The following KCNH1 variants were observed in gnomAD, a reference collection of about 807,000 sequenced individuals.
KCNH1 encodes the protein voltage-gated delayed rectifier potassium channel KCNH1.
A neutral mutation model predicts 69.2 loss-of-function variants in KCNH1; 27 were observed. The observed-to-expected ratio is 0.39, with a 90% CI of 0.29 to 0.54. KCNH1 has a LOEUF of 0.54. Ranked by LOEUF, KCNH1 falls within the 20% of genes least tolerant of loss-of-function variation. KCNH1 has a pLI of 0.68. For synonymous variants in KCNH1, 456 were observed against 487.7 expected, an observed-to-expected ratio of 0.93 and a Z score of 0.86; for missense variants, 798 against 1,261.6, an observed-to-expected ratio of 0.63 and a Z score of 5.57.
intron 1 of KCNH1, chr1:211,108,404 G>GTA (rs1341167800): frequency 4.6e-4 from 70 of 151,800 alleles, no homozygotes; most frequent in African/African-American, 1.5e-3. Context: ...GTGTGTGTGT[G>GTA]TGTGTGTATA....
intron 10 of KCNH1, among the ~76,000 whole-genome samples, chr1:210,728,350 A>G (rs146218287): frequency 1.9e-3 from 289 of 152,300 alleles, no homozygotes; most frequent in Middle Eastern, 0.01. Flanking sequence ...TTCTTAATGA[A>G]TGGTGAATAG....
intron 10 of KCNH1, among the ~76,000 whole-genome samples, chr1:210,721,818 A>C (rs1355942589): frequency 6.6e-6 from 1 of 152,000 alleles, no homozygotes; most frequent in Non-Finnish European, 1.5e-5. Flanking sequence ...TAAATAAATA[A>C]ATAAATAAAT....
intron 1 of KCNH1, among the ~76,000 whole-genome samples, chr1:211,119,457 G>A (rs1424148303): frequency 6.6e-6 from 1 of 151,994 alleles, no homozygotes; most frequent in Non-Finnish European, 1.5e-5. Flanking sequence ...TAAATGATGA[G>A]AATAAGTGCT....
At chr1:210,889,460 C>T (rs927300190) in intron 7 of KCNH1, among the ~76,000 whole-genome samples, 5 of 152,308 alleles carry the variant, frequency 3.3e-5, no homozygotes, top group East Asian at 3.9e-4. Flanking sequence ...ACTGAATGGG[C>T]AGAAGCCAGA....
intron 10 of KCNH1, among the ~76,000 whole-genome samples, chr1:210,762,524 GAA>G (rs1683543256): frequency 6.6e-6 from 1 of 152,020 alleles, no homozygotes; most frequent in Admixed American, 6.6e-5. Context: ...AGCACAACCA[GAA>G]ATGACAAAGA....
chr1:210,712,464 G>A (rs913544277), intron 10 of KCNH1, among the ~76,000 whole-genome samples: 4 of 152,154 alleles, frequency 2.6e-5, no homozygotes, highest in African/African-American at 9.7e-5. Flanking sequence ...ACAGCAGAAC[G>A]AAGAGGCTGG....
chr1:210,956,359 TTC>T (rs1433413431), intron 6 of KCNH1, among the ~76,000 whole-genome samples: 1 of 152,176 alleles, frequency 6.6e-6, no homozygotes, highest in Non-Finnish European at 1.5e-5. Context: ...TGGTCTAAAA[TTC>T]TCTTTTTTTG....
rs374936353 is a variant in KCNH1, at chr1:210,797,593, A to G, written c.1830T>C (p.His610=). Residue 610 remains histidine (H), a synonymous_variant, in exon 9 of 11, where the codon CAT becomes CAC. Transcript: ENST00000271751. The part of the protein sequence containing the change: ...VHCAPGDLIY[H]AGESVDSLCF... ...AGAGGCTGTCAACGCTCTCTCCTGC[A>G]TGGTAGATGAGGTCCCCTGGGGCAC... The G allele has an allele frequency of 8.1e-6, 13 of 1,614,228 alleles. 1 individual carries two copies. Among genetic ancestry groups the G allele is most frequent in the Non-Finnish European group, 1.1e-5 (13 of 1,180,040 alleles).
rs143883112 is a variant in KCNH1 at position 210,683,750 on chromosome 1, C to T, written c.2501G>A (p.Arg834His). The change falls in exon 11 of 11, where the codon CGC becomes CAC. Residue 834 changes from arginine to histidine, a missense_variant. Physicochemically the swap from Arg to His is conservative, Grantham distance 29. This residue lies in a region of KCNH1 where 331 missense variants were observed against 363.2 expected (regional missense o/e 0.91). Coordinates refer to ENST00000271751, the MANE Select transcript of KCNH1 (RefSeq NM_172362.3). This position sits in a 1 kb window ranked among gnomAD's most constrained non-coding sequence, Gnocchi z 5.7. ...ATCTTTGAAGCGGGCCCAGCTTTTGCGCTTGGCACAATCGCCCCCGCCCCC... is the reference window on the plus strand; with the variant it reads ...ATCTTTGAAGCGGGCCCAGCTTTTGTGCTTGGCACAATCGCCCCCGCCCCC... ...PKGGGGDCAK[R>H]KSWARFKDAC... 248 of 1,614,056 alleles carry T rather than the reference C, an allele frequency of 1.5e-4. No homozygotes were observed. The highest frequency in any genetic ancestry group is 1.9e-4 in the Non-Finnish European group (228 of 1,180,046).
chr1:211,045,161 C>G (rs1008486665), intron 5 of KCNH1, among the ~76,000 whole-genome samples: 4 of 148,996 alleles, frequency 2.7e-5, no homozygotes, highest in African/African-American at 9.9e-5. Flanking sequence ...TAGAGTAACT[C>G]AGGAATGGAA....
intron 6 of KCNH1, among the ~76,000 whole-genome samples, chr1:210,959,909 T>C (rs758053420): frequency 7.2e-5 from 11 of 152,202 alleles, no homozygotes; most frequent in Non-Finnish European, 1.3e-4. Flanking sequence ...CTCCATGGGC[T>C]ATACCCACTG....
intron 6 of KCNH1, among the ~76,000 whole-genome samples, chr1:210,968,326 A>G (rs1688447909): frequency 7.3e-6 from 1 of 136,616 alleles, no homozygotes; most frequent in Non-Finnish European, 1.5e-5. Context: ...CGCAATAAAC[A>G]TACGTGTGCA....
At chr1:210,988,267 C>G (rs928640962) in intron 6 of KCNH1, among the ~76,000 whole-genome samples, 1 of 152,112 alleles carries the variant, frequency 6.6e-6, no homozygotes, top group Non-Finnish European at 1.5e-5. Context: ...TCAGATCACA[C>G]ATGGTGTGCT....
rs1219713468 is a variant in KCNH1, at chr1:210,680,635, G to A, written c.*2646C>T. 7.2e-5 allele frequency: 11 copies of A among 152,156 alleles called. No individual in the cohort carries two copies. The highest frequency in any genetic ancestry group is 4.4e-5 in the Non-Finnish European group (3 of 68,036). The allele number at this position is 152,156 out of a possible 1,614,324, so 9.4% of individuals were successfully genotyped here. On this transcript the variant is annotated 3_prime_UTR_variant, in exon 11 of 11. Coordinates refer to ENST00000271751, the MANE Select transcript of KCNH1 (RefSeq NM_172362.3). Reference sequence around the variant, plus strand: ...CAGCCTGCGGTCAAGTTCATGGTGCGAAAAGGAAGGGAGAAAGGTTTGGCT... The same window carrying A: ...CAGCCTGCGGTCAAGTTCATGGTGCAAAAAGGAAGGGAGAAAGGTTTGGCT...
At chr1:210,831,496 T>G (rs1358500335) in intron 7 of KCNH1, among the ~76,000 whole-genome samples, 1 of 152,170 alleles carries the variant, frequency 6.6e-6, no homozygotes, top group Non-Finnish European at 1.5e-5. Flanking sequence ...AGCTACTTCC[T>G]ATCACCAAAC....
intron 6 of KCNH1, among the ~76,000 whole-genome samples, chr1:210,945,826 G>A (rs1038246203): frequency 5.3e-5 from 8 of 152,184 alleles, no homozygotes; most frequent in African/African-American, 1.9e-4. Context: ...TTGCTCAAAT[G>A]TTAACTTCTC....
intron 10 of KCNH1, among the ~76,000 whole-genome samples, chr1:210,697,173 G>C (rs1310575207): frequency 6.6e-6 from 1 of 152,222 alleles, no homozygotes; most frequent in Non-Finnish European, 1.5e-5. Context: ...GAGCTTAAAG[G>C]GCCCTGGGAA....
At chr1:211,020,573 C>G (rs530191448) in intron 5 of KCNH1, among the ~76,000 whole-genome samples, 1 of 152,134 alleles carries the variant, frequency 6.6e-6, no homozygotes, top group Non-Finnish European at 1.5e-5. Flanking sequence ...TAAAGAAGAA[C>G]TAGTACCAGT....
intron 6 of KCNH1, among the ~76,000 whole-genome samples, chr1:210,955,648 T>C (rs1399206090): frequency 6.6e-6 from 1 of 152,168 alleles, no homozygotes; most frequent in Non-Finnish European, 1.5e-5. Context: ...CTAGGTATTT[T>C]ATTCTCTTTG....
Sources: allele counts gnomAD v4.1 joint callset (sites outside exome capture counted in the v4.1 genomes callset), GRCh38; gene constraint gnomAD v4.1.1; regional missense constraint gnomAD v4.1.1; non-coding constraint Gnocchi (gnomAD v3.1); transcripts MANE v1.5; gene names NCBI Gene and HGNC (gene_info 2026-07-23, HGNC 2026-07-21).